Variants in FSTL4 observed in about 807,000 individuals in gnomAD.
The protein encoded by FSTL4 is follistatin like 4.
Under a neutral mutation model 78.2 loss-of-function variants are expected in FSTL4, and 28 were observed. The ratio of observed to expected loss-of-function variants is 0.36; its 90% CI spans 0.27 to 0.49. The LOEUF is 0.49. Ranked by LOEUF, FSTL4 falls within the 20% of genes least tolerant of loss-of-function variation. The pLI, the probability that FSTL4 is intolerant of heterozygous loss-of-function variation, is 0.98. For missense variants in FSTL4, 922 were observed against 1,084.9 expected (o/e 0.85, Z 2.11); for synonymous variants, 422 against 440.5 (o/e 0.96, Z 0.53).
intron 3 of FSTL4, among the ~76,000 whole-genome samples, chr5:133,517,231 T>C (rs1267591356): frequency 6.6e-6 from 1 of 151,114 alleles, no homozygotes; most frequent in Admixed American, 6.6e-5. Flanking sequence ...GAGACCAGCC[T>C]GGCCAACATG....
At chr5:133,751,013 G>A in the FSTL4 span, among the ~76,000 whole-genome samples, 1 of 151,822 alleles carries the variant, frequency 6.6e-6, no homozygotes, top group Non-Finnish European at 1.5e-5. Context: ...CACCCTCCCT[G>A]TCCCCCCAGC....
At chr5:133,564,005 T>C (rs960712648) in intron 3 of FSTL4, among the ~76,000 whole-genome samples, 5 of 151,856 alleles carry the variant, frequency 3.3e-5, no homozygotes, top group African/African-American at 1.2e-4. Flanking sequence ...AGGCTGGGAG[T>C]ACAAAATTAA....
chr5:133,466,875 AGTGTGTGTGTGTCAGTGTGAGT>A (rs1323355996), intron 3 of FSTL4, among the ~76,000 whole-genome samples: 1 of 151,608 alleles, frequency 6.6e-6, no homozygotes, highest in Non-Finnish European at 1.5e-5. Flanking sequence ...TCAGAGTGTG[AGTGTGTGTGTGTCAGTGTGAGT>A]GTGTGTGTGT....
intron 7 of FSTL4, among the ~76,000 whole-genome samples, chr5:133,237,625 A>G (rs961288398): frequency 6.6e-6 from 1 of 152,258 alleles, no homozygotes; most frequent in Non-Finnish European, 1.5e-5. Flanking sequence ...TAGGCATCAT[A>G]TAATTACAGA....
At chr5:133,384,099 A>C (rs1158863083) in intron 4 of FSTL4, among the ~76,000 whole-genome samples, 1 of 152,206 alleles carries the variant, frequency 6.6e-6, no homozygotes, top group African/African-American at 2.4e-5. Context: ...GTGGATGAGG[A>C]GAGGTAAAGA....
chr5:133,644,043 G>C, the FSTL4 span, among the ~76,000 whole-genome samples: 1 of 152,116 alleles, frequency 6.6e-6, no homozygotes, highest in South Asian at 2.1e-4. Flanking sequence ...AAATTCAAGT[G>C]GTTATCAAAG....
rs552863306 is a variant in FSTL4 at position 133,262,915 on chromosome 5, A to G, written c.728-13339T>C. 6.6e-5 allele frequency among the ~76,000 whole-genome samples: 10 copies of G among 151,914 alleles called. No individual in the cohort carries two copies. In the South Asian group the frequency reaches 1.5e-3, roughly 22 times the overall value. ...AGGGTGGGGCTGAGGGTGTTGGGAC[A>G]ACACTCTGTTGGTTTGGGTGTCGGG... On this transcript the variant is annotated intron_variant, in intron 6 of 15. Coordinates refer to ENST00000265342, the MANE Select transcript of FSTL4 (RefSeq NM_015082.2).
intron 8 of FSTL4, among the ~76,000 whole-genome samples, chr5:133,230,815 T>C (rs1009855765): frequency 3.3e-5 from 5 of 152,156 alleles, no homozygotes; most frequent in African/African-American, 1.2e-4. Flanking sequence ...GAACCTTCTG[T>C]CGTGCCTTCT....
chr5:133,534,247 C>T lies in FSTL4; in HGVS notation c.160+32939G>A, dbSNP rs79987260. ...AAGCTAACAAATCATCCTAAACTAT[C>T]AGATGCACATTATTTTTCTGTCACT... On this transcript the variant is annotated intron_variant, in intron 3 of 15. Coordinates refer to ENST00000265342, the MANE Select transcript of FSTL4 (RefSeq NM_015082.2). Among the ~76,000 whole-genome samples the T allele has an allele frequency of 8.2e-3, 1,242 of 151,868 alleles. 16 individuals carry two copies. Among genetic ancestry groups the T allele is most frequent in the African/African-American group, 0.028 (1,158 of 41,424 alleles).
chr5:133,599,637 C>A (rs992693527), intron 2 of FSTL4, among the ~76,000 whole-genome samples: 1 of 152,142 alleles, frequency 6.6e-6, no homozygotes. Context: ...CAGTAAAATG[C>A]ATGAAAGACG....
chr5:133,546,063 T>G (rs1398947778), intron 3 of FSTL4, among the ~76,000 whole-genome samples: 1 of 152,230 alleles, frequency 6.6e-6, no homozygotes, highest in East Asian at 1.9e-4. Context: ...AATATCTAAG[T>G]GTCAGCAAAG....
At chr5:133,273,104 G>C (rs1752802577) in intron 6 of FSTL4, among the ~76,000 whole-genome samples, 1 of 152,200 alleles carries the variant, frequency 6.6e-6, no homozygotes. Flanking sequence ...CTTCCTGGTT[G>C]ACTCTTGTGA....
chr5:133,765,551 C>T, the FSTL4 span, among the ~76,000 whole-genome samples: 24 of 152,350 alleles, frequency 1.6e-4, no homozygotes, highest in Admixed American at 8.5e-4. Flanking sequence ...GCCTGTGCCC[C>T]TGCAGAGCCC....
intron 3 of FSTL4, among the ~76,000 whole-genome samples, chr5:133,480,830 T>C (rs970188586): frequency 5.3e-5 from 8 of 152,190 alleles, no homozygotes; most frequent in Admixed American, 5.2e-4. Context: ...TCTGTTTCTC[T>C]GGGAAGTGGA....
At chr5:133,528,207 T>A (rs535693201) in intron 3 of FSTL4, among the ~76,000 whole-genome samples, 2 of 152,286 alleles carry the variant, frequency 1.3e-5, no homozygotes, top group South Asian at 4.1e-4. Flanking sequence ...AAAGGGGGGA[T>A]TTCCCACAGA....
At chr5:133,333,682 G>A (rs17166584) in intron 4 of FSTL4, among the ~76,000 whole-genome samples, 21,286 of 152,140 alleles carry the variant, frequency 0.14, 1,622 homozygotes, top group East Asian at 0.31. Flanking sequence ...ACCTGTAGCC[G>A]ATTCCCAGAG....
chr5:133,466,386 C>T (rs1208268135), intron 3 of FSTL4, among the ~76,000 whole-genome samples: 3 of 152,150 alleles, frequency 2.0e-5, no homozygotes, highest in Admixed American at 6.5e-5. Flanking sequence ...ACTAAAAATA[C>T]AAAAAATTAG....
chr5:133,384,828 T>C (rs2126955808), intron 4 of FSTL4, among the ~76,000 whole-genome samples: 1 of 152,348 alleles, frequency 6.6e-6, no homozygotes, highest in Non-Finnish European at 1.5e-5. Context: ...CCAAAGCTCC[T>C]TTCCAGGCTT....
At chr5:133,307,826 G>T (rs1753689960) in intron 6 of FSTL4, among the ~76,000 whole-genome samples, 1 of 150,932 alleles carries the variant, frequency 6.6e-6, no homozygotes, top group Non-Finnish European at 1.5e-5. Flanking sequence ...TGTTGCCCAG[G>T]CTGGAGTGCA....
Sources: allele counts gnomAD v4.1 joint callset (sites outside exome capture counted in the v4.1 genomes callset), GRCh38; gene constraint gnomAD v4.1.1; transcripts MANE v1.5; gene names NCBI Gene and HGNC (gene_info 2026-07-23, HGNC 2026-07-21).